Variants in NKAIN2 observed in about 807,000 individuals in gnomAD.
The protein encoded by NKAIN2 is sodium/potassium transporting ATPase interacting 2.
NKAIN2 carries 14 observed loss-of-function variants against 32.6 expected under a neutral mutation model. The ratio of observed to expected loss-of-function variants is 0.43; its 90% CI spans 0.28 to 0.67. NKAIN2 has a LOEUF of 0.67. NKAIN2 is among the 30% of genes least tolerant of loss of function. NKAIN2 has a pLI of 0.17. For synonymous variants in NKAIN2, 80 were observed against 87.2 expected (o/e 0.92, Z 0.46); for missense variants, 198 against 258.3 (o/e 0.77, Z 1.60).
chr6:124,456,459 G>C (rs1378946934), intron 3 of NKAIN2, among the ~76,000 whole-genome samples: 1 of 151,730 alleles, frequency 6.6e-6, no homozygotes, highest in Admixed American at 6.6e-5. Context: ...AATATTTTTA[G>C]GTATGAAGAC....
At chr6:124,059,028 A>G (rs1018653882) in intron 1 of NKAIN2, among the ~76,000 whole-genome samples, 2 of 152,148 alleles carry the variant, frequency 1.3e-5, no homozygotes, top group Non-Finnish European at 2.9e-5. Context: ...TGGGCAAGCC[A>G]GTAGGTTTGA....
intron 5 of NKAIN2, among the ~76,000 whole-genome samples, chr6:124,808,178 C>T (rs1356781170): frequency 6.6e-6 from 1 of 151,692 alleles, no homozygotes; most frequent in Non-Finnish European, 1.5e-5. Flanking sequence ...AGAGACACAA[C>T]CAAAAAAGAG....
chr6:124,670,675 G>GTGTGTGTGTGTC (rs1773056643), intron 4 of NKAIN2, among the ~76,000 whole-genome samples: 1 of 151,546 alleles, frequency 6.6e-6, no homozygotes, highest in Non-Finnish European at 1.5e-5. Flanking sequence ...GTGTGTGTGT[G>GTGTGTGTGTGTC]TGTGTTGCAT....
At chr6:124,368,062 T>A (rs1799600545) in intron 3 of NKAIN2, among the ~76,000 whole-genome samples, 1 of 152,174 alleles carries the variant, frequency 6.6e-6, no homozygotes. Flanking sequence ...GCTGCTTTTG[T>A]GTGGTAAAAT....
At chr6:124,086,467 T>C (rs921666424) in intron 1 of NKAIN2, among the ~76,000 whole-genome samples, 1 of 151,996 alleles carries the variant, frequency 6.6e-6, no homozygotes, top group African/African-American at 2.4e-5. Context: ...TATTGATATT[T>C]GTCTCCTCTT....
chr6:124,319,676 GA>G (rs1386090328), intron 2 of NKAIN2, among the ~76,000 whole-genome samples: 2 of 151,994 alleles, frequency 1.3e-5, no homozygotes, highest in East Asian at 3.9e-4. Flanking sequence ...TACATGCTGG[GA>G]AAATAAATAT....
chr6:124,592,669 G>A (rs1312497833), intron 3 of NKAIN2, among the ~76,000 whole-genome samples: 1 of 152,000 alleles, frequency 6.6e-6, no homozygotes, highest in Non-Finnish European at 1.5e-5. Flanking sequence ...TCAACATTTG[G>A]ACCCAAACCA....
chr6:124,820,990 A>G (rs1337047662), intron 6 of NKAIN2, among the ~76,000 whole-genome samples: 1 of 152,106 alleles, frequency 6.6e-6, no homozygotes, highest in Non-Finnish European at 1.5e-5. Context: ...GTAATACTAT[A>G]TTTATGCTCA....
chr6:124,067,118 C>T (rs1783228433), intron 1 of NKAIN2, among the ~76,000 whole-genome samples: 1 of 152,118 alleles, frequency 6.6e-6, no homozygotes, highest in South Asian at 2.1e-4. Flanking sequence ...GTCTGCTACT[C>T]AGTTCCTTTT....
chr6:124,041,578 G>A (rs889633813), intron 1 of NKAIN2, among the ~76,000 whole-genome samples: 61 of 151,862 alleles, frequency 4.0e-4, no homozygotes, highest in African/African-American at 1.4e-3. Flanking sequence ...ATCAGAGGTC[G>A]AAAATCCCTG....
At chr6:123,807,062 A>G (rs1773248306) in intron 1 of NKAIN2, among the ~76,000 whole-genome samples, 1 of 152,004 alleles carries the variant, frequency 6.6e-6, no homozygotes, top group Non-Finnish European at 1.5e-5. Context: ...CTTCAGAGAC[A>G]TTTACCTGTC....
intron 2 of NKAIN2, among the ~76,000 whole-genome samples, chr6:124,314,204 T>C (rs111703636): frequency 6.6e-6 from 1 of 152,052 alleles, no homozygotes; most frequent in Non-Finnish European, 1.5e-5. Context: ...GGAAAATTCT[T>C]CCTCAACATC....
intron 2 of NKAIN2, among the ~76,000 whole-genome samples, chr6:124,331,602 C>A (rs1399235270): frequency 6.6e-6 from 1 of 151,474 alleles, no homozygotes; most frequent in Non-Finnish European, 1.5e-5. Flanking sequence ...AAATAGGGCT[C>A]AGGATTTTAC....
chr6:123,930,999 G>A (rs1776228278), intron 1 of NKAIN2, among the ~76,000 whole-genome samples: 1 of 152,016 alleles, frequency 6.6e-6, no homozygotes, highest in Non-Finnish European at 1.5e-5. Context: ...ATAACTAACT[G>A]TGTTTTGCCT....
chr6:124,246,588 C>T (rs568272836), intron 1 of NKAIN2, among the ~76,000 whole-genome samples: 39 of 152,080 alleles, frequency 2.6e-4, no homozygotes, highest in Admixed American at 5.2e-4. Context: ...CGTGTGGCCT[C>T]GACACCTCTT....
At chr6:123,973,216 T>C (rs1207621779) in intron 1 of NKAIN2, among the ~76,000 whole-genome samples, 2 of 152,062 alleles carry the variant, frequency 1.3e-5, no homozygotes, top group Admixed American at 1.3e-4. Context: ...TTAGAATTTA[T>C]TTTTTTCTGT....
intron 3 of NKAIN2, among the ~76,000 whole-genome samples, chr6:124,629,993 C>G (rs1387841462): frequency 6.6e-6 from 1 of 152,086 alleles, no homozygotes; most frequent in East Asian, 1.9e-4. Flanking sequence ...GATCTGAAGC[C>G]AAATCACAAT....
At chr6:124,780,249 G>A (rs956294988) in intron 4 of NKAIN2, among the ~76,000 whole-genome samples, 2 of 152,118 alleles carry the variant, frequency 1.3e-5, no homozygotes, top group African/African-American at 4.8e-5. Flanking sequence ...AATATTCTTG[G>A]TTACTCTAGA....
intron 1 of NKAIN2, chr6:123,823,426 G>A (rs1156293845): frequency 1.3e-5 from 2 of 152,226 alleles, no homozygotes; most frequent in Non-Finnish European, 2.9e-5. Flanking sequence ...CTCAGAGAGG[G>A]AGGAGTAAGG....
Sources: allele counts gnomAD v4.1 joint callset (sites outside exome capture counted in the v4.1 genomes callset), GRCh38; gene constraint gnomAD v4.1.1; transcripts MANE v1.5; gene names NCBI Gene and HGNC (gene_info 2026-07-23, HGNC 2026-07-21).